UST: variants seen among roughly 807,000 people sequenced by gnomAD.
UST encodes the protein uronyl 2-sulfotransferase.
In UST, 21 loss-of-function variants were observed where a neutral mutation model predicts 45.6. That is an observed-to-expected ratio of 0.46 (90% CI 0.33 to 0.66). The LOEUF is 0.66. Ranked by LOEUF, UST falls within the 30% of genes least tolerant of loss-of-function variation. The pLI, the probability that UST is intolerant of heterozygous loss-of-function variation, is 0.02. For synonymous variants in UST, 215 were observed against 200.6 expected (o/e 1.07, Z -0.61); for missense variants, 463 against 512.4 (o/e 0.90, Z 0.93).
chr6:149,011,898 C>G (rs1775818058), intron 5 of UST, among the ~76,000 whole-genome samples: 1 of 120,586 alleles, frequency 8.3e-6, no homozygotes, highest in Non-Finnish European at 1.7e-5. Flanking sequence ...TTACTTAACT[C>G]ATATGAAAAA....
intron 1 of UST, among the ~76,000 whole-genome samples, chr6:148,769,490 C>T (rs891744063): frequency 6.6e-6 from 1 of 152,224 alleles, no homozygotes; most frequent in Admixed American, 6.5e-5. Context: ...GCATTGCCAC[C>T]GTGCAGCTGT....
At chr6:148,856,010 G>A (rs192162130) in intron 1 of UST, among the ~76,000 whole-genome samples, 18 of 93,614 alleles carry the variant, frequency 1.9e-4, no homozygotes, top group Middle Eastern at 4.7e-3. Flanking sequence ...AAAATATGGG[G>A]TTTTGTTTTG....
chr6:148,970,544 G>A (rs972409400), intron 5 of UST, among the ~76,000 whole-genome samples: 1 of 152,186 alleles, frequency 6.6e-6, no homozygotes, highest in African/African-American at 2.4e-5. Context: ...TCTGTATCAG[G>A]AGCCACGGGG....
intron 1 of UST, among the ~76,000 whole-genome samples, chr6:148,795,839 A>G (rs996855010): frequency 2.6e-5 from 4 of 152,214 alleles, no homozygotes; most frequent in Non-Finnish European, 5.9e-5. Flanking sequence ...TTGCCGATTC[A>G]TTACGGGCTG....
At chr6:149,000,391 C>T (rs1229121386) in intron 5 of UST, among the ~76,000 whole-genome samples, 6 of 152,006 alleles carry the variant, frequency 3.9e-5, no homozygotes, top group South Asian at 4.2e-4. Context: ...ACTCAGGACC[C>T]GGGAGTCCGG....
chr6:148,923,912 C>T (rs548349499), intron 2 of UST, among the ~76,000 whole-genome samples: 14 of 152,258 alleles, frequency 9.2e-5, no homozygotes, highest in African/African-American at 3.4e-4. Flanking sequence ...GGATTTAATG[C>T]CCCTGGACCT....
At chr6:148,997,091 G>T (rs953688682) in intron 5 of UST, among the ~76,000 whole-genome samples, 18 of 152,104 alleles carry the variant, frequency 1.2e-4, no homozygotes, top group African/African-American at 4.1e-4. Flanking sequence ...TGGAGTCCCC[G>T]TGTCTGTTCT....
At chr6:149,002,570 A>T (rs1028833958) in intron 5 of UST, among the ~76,000 whole-genome samples, 2 of 152,068 alleles carry the variant, frequency 1.3e-5, no homozygotes, top group Non-Finnish European at 2.9e-5. Context: ...GCAGTGGCGC[A>T]ATCTCAGCTC....
chr6:148,806,556 C>T (rs1406564531), intron 1 of UST, among the ~76,000 whole-genome samples: 2 of 151,710 alleles, frequency 1.3e-5, no homozygotes, highest in Non-Finnish European at 2.9e-5. Flanking sequence ...GCAGTCTGGT[C>T]TTGAACTCCT....
intron 7 of UST, among the ~76,000 whole-genome samples, chr6:149,054,817 G>C (rs1224236473): frequency 6.6e-6 from 1 of 152,122 alleles, no homozygotes; most frequent in African/African-American, 2.4e-5. Context: ...TATTTGTTCT[G>C]GGTGTTTGTT....
intron 1 of UST, among the ~76,000 whole-genome samples, chr6:148,844,793 C>T (rs1450577506): frequency 2.0e-5 from 3 of 152,096 alleles, no homozygotes; most frequent in African/African-American, 4.8e-5. Flanking sequence ...CATTTCCTGC[C>T]CCTGTAGTAG....
At chr6:148,755,266 T>C (rs2114647630) in intron 1 of UST, among the ~76,000 whole-genome samples, 3 of 152,344 alleles carry the variant, frequency 2.0e-5, no homozygotes, top group Middle Eastern at 6.8e-3. Flanking sequence ...TGGTATAATA[T>C]GAAGGACAAA....
chr6:148,970,510 G>A (rs992869655), intron 5 of UST, among the ~76,000 whole-genome samples: 2 of 152,116 alleles, frequency 1.3e-5, no homozygotes, highest in Non-Finnish European at 2.9e-5. Context: ...AGTTACAAGG[G>A]GCTTACGAGT....
intron 1 of UST, among the ~76,000 whole-genome samples, chr6:148,815,571 C>T (rs1777338935): frequency 6.6e-6 from 1 of 152,066 alleles, no homozygotes; most frequent in South Asian, 2.1e-4. Context: ...TGAAAAAATA[C>T]ATACCACATG....
rs1156843188 is a variant in UST at position 148,748,246 on chromosome 6, C to T, written c.247+569C>T. On this transcript the variant is annotated intron_variant, in intron 1 of 7. Coordinates refer to ENST00000367463, the MANE Select transcript of UST (RefSeq NM_005715.3). This position sits in a 1 kb window ranked among gnomAD's most constrained non-coding sequence, Gnocchi z 5.3. ...GGCTTGTCCCTTGGCTGCCGCTGCCCACCCCGCCGCCCGCAGCTAGCCTGG... is the reference window on the plus strand; with the variant it reads ...GGCTTGTCCCTTGGCTGCCGCTGCCTACCCCGCCGCCCGCAGCTAGCCTGG... 1.3e-5 allele frequency among the ~76,000 whole-genome samples: 2 copies of T among 152,062 alleles called. No homozygotes were observed. Among genetic ancestry groups the T allele is most frequent in the Non-Finnish European group, 2.9e-5 (2 of 68,018 alleles).
intron 5 of UST, among the ~76,000 whole-genome samples, chr6:149,007,758 T>C (rs559872007): frequency 3.4e-4 from 51 of 152,154 alleles, no homozygotes; most frequent in African/African-American, 1.2e-3. Context: ...GGTTTTTTTT[T>C]GGCTGTAAGA....
chr6:148,806,119 G>A (rs1224698408), intron 1 of UST, among the ~76,000 whole-genome samples: 7 of 151,708 alleles, frequency 4.6e-5, no homozygotes, highest in Admixed American at 3.3e-4. Context: ...GTATAATTGC[G>A]GCTTAGTTTG....
At chr6:148,841,485 TTAATTACTATTTGA>T (rs1450152906) in intron 1 of UST, among the ~76,000 whole-genome samples, 1 of 152,232 alleles carries the variant, frequency 6.6e-6, no homozygotes, top group Non-Finnish European at 1.5e-5. Flanking sequence ...CTACTTTGGT[TTAATTACTATTTGA>T]TAATTACTAT....
rs1554234080 is a variant in UST at position 149,010,913 on chromosome 6, A to AAAAAAACAAAAAAAAC, written c.682-8219_682-8218insAAAAAAAACAAAAAAC. On this transcript the variant is annotated intron_variant, in intron 5 of 7. Transcript: ENST00000367463. ...TCTCAACCAAAAAAAAAAAAAAAAA[A>AAAAAAACAAAAAAAAC]AAAAAACTGTGACTATTTATTTGTC... 3.2e-5 allele frequency among the ~76,000 whole-genome samples: 3 copies of AAAAAAACAAAAAAAAC among 92,968 alleles called. 1 individual carries two copies. The highest frequency in any genetic ancestry group is 4.0e-5 in the Non-Finnish European group (2 of 49,984). 61.0% of individuals were successfully genotyped at this position (92,968 alleles called of 152,430 possible).
Sources: gnomAD v4.1 joint callset for allele counts (sites outside exome capture counted in the v4.1 genomes callset) on GRCh38, gnomAD v4.1.1 for gene constraint, Gnocchi (gnomAD v3.1) non-coding constraint, MANE v1.5 for transcripts, NCBI Gene and HGNC (gene_info 2026-07-23, HGNC 2026-07-21) for gene names.